Variants in TXNL1 observed in about 807,000 individuals in gnomAD.
TXNL1 encodes the protein thioredoxin-like protein 1.
A neutral mutation model predicts 35.5 loss-of-function variants in TXNL1; 14 were observed. The ratio of observed to expected loss-of-function variants is 0.39; its 90% CI spans 0.26 to 0.62. The LOEUF is 0.62. Ranked by LOEUF, TXNL1 falls within the 20% of genes least tolerant of loss-of-function variation. The pLI, the probability that TXNL1 is intolerant of heterozygous loss-of-function variation, is 0.47. For missense variants in TXNL1, 263 were observed against 349.7 expected (o/e 0.75, Z 1.98); for synonymous variants, 110 against 115.5 (o/e 0.95, Z 0.31).
At chr18:56,604,795 C>T (rs950413065) in intron 7 of TXNL1, among the ~76,000 whole-genome samples, 1 of 152,098 alleles carries the variant, frequency 6.6e-6, no homozygotes, top group Non-Finnish European at 1.5e-5. Context: ...AAAACCAACA[C>T]CCCTCAACTG....
intron 3 of TXNL1, among the ~76,000 whole-genome samples, chr18:56,619,783 A>G (rs2024151846): frequency 6.6e-6 from 1 of 151,976 alleles, no homozygotes; most frequent in Admixed American, 6.6e-5. Flanking sequence ...AATGCTTCCA[A>G]TGTTCCCTTA....
chr18:56,612,082 G>C (rs2024005960), intron 6 of TXNL1, among the ~76,000 whole-genome samples: 1 of 146,128 alleles, frequency 6.8e-6, no homozygotes. Flanking sequence ...GCCCAGGGTG[G>C]TCTCGAACTT....
At chr18:56,614,937 A>T (rs894176714) in intron 5 of TXNL1, among the ~76,000 whole-genome samples, 1 of 152,312 alleles carries the variant, frequency 6.6e-6, no homozygotes, top group East Asian at 1.9e-4. Flanking sequence ...AGGTACAAGG[A>T]AGGTGACAAT....
At chr18:56,622,986 C>T (rs533655322) in intron 3 of TXNL1, among the ~76,000 whole-genome samples, 4 of 152,092 alleles carry the variant, frequency 2.6e-5, no homozygotes, top group Non-Finnish European at 4.4e-5. Context: ...TTACAATCTC[C>T]TACTACACAC....
intron 2 of TXNL1, chr18:56,626,085 A>T (rs2024273460): frequency 1.3e-6 from 1 of 748,740 alleles, no homozygotes; most frequent in South Asian, 5.5e-5. Context: ...ACATAAGGAA[A>T]TGTAATACAC....
chr18:56,625,342 GT>G (rs2024258533), intron 2 of TXNL1, among the ~76,000 whole-genome samples: 1 of 151,910 alleles, frequency 6.6e-6, no homozygotes, highest in South Asian at 2.1e-4. Flanking sequence ...GTAAAATCAA[GT>G]TTAATATTAC....
intron 6 of TXNL1, among the ~76,000 whole-genome samples, chr18:56,613,844 A>G (rs1167456617): frequency 1.3e-5 from 2 of 152,048 alleles, no homozygotes; most frequent in African/African-American, 4.8e-5. Flanking sequence ...ACCTTAGGTC[A>G]TCTTATAAAA....
chr18:56,626,551 T>C, intron 1 of TXNL1, 94 bp from the exon 2 acceptor site: 1 of 1,083,632 alleles, frequency 9.2e-7, no homozygotes, highest in Middle Eastern at 2.2e-4. Context: ...ACACTGATAC[T>C]GCTGGCTTTT....
At chr18:56,618,688 T>C (rs1460574000) in intron 3 of TXNL1, among the ~76,000 whole-genome samples, 3 of 151,350 alleles carry the variant, frequency 2.0e-5, no homozygotes, top group African/African-American at 7.3e-5. Flanking sequence ...CCTGATTAGT[T>C]TGAAAAAAAA....
intron 1 of TXNL1, among the ~76,000 whole-genome samples, chr18:56,636,869 C>T (rs1181276582): frequency 1.3e-5 from 2 of 152,102 alleles, no homozygotes; most frequent in Non-Finnish European, 2.9e-5. Flanking sequence ...TATTGAAATC[C>T]TATCTTCCCT....
intron 1 of TXNL1, among the ~76,000 whole-genome samples, chr18:56,627,397 C>A (rs1304288988): frequency 2.6e-5 from 4 of 152,116 alleles, no homozygotes; most frequent in East Asian, 3.9e-4. Context: ...AACAAATTTC[C>A]ATTCTAAAAA....
chr18:56,599,408 T>C lies in TXNL1; in HGVS notation c.*3619A>G, dbSNP rs2023782540. 1 of 152,182 alleles carries C rather than the reference T, an allele frequency of 6.6e-6. No individual in the cohort carries two copies. Among genetic ancestry groups the C allele is most frequent in the South Asian group, 2.1e-4 (1 of 4,832 alleles). 9.4% of individuals were successfully genotyped at this position (152,182 alleles called of 1,614,324 possible). ...GAATAGTCAATATTTTAAAATTTATTTACTATATGCATGTTATATATACTT... is the reference window on the plus strand; with the variant it reads ...GAATAGTCAATATTTTAAAATTTATCTACTATATGCATGTTATATATACTT... On this transcript the variant is annotated 3_prime_UTR_variant, in exon 8 of 8. Coordinates refer to ENST00000217515, the MANE Select transcript of TXNL1 (RefSeq NM_004786.3).
chr18:56,614,302 A>T, intron 6 of TXNL1, 122 bp downstream of exon 6: 1 of 783,266 alleles, frequency 1.3e-6, no homozygotes, highest in Non-Finnish European at 1.9e-6. Flanking sequence ...TAAACATTTT[A>T]CTCATTTCAA....
At position 56,634,543 on chromosome 18, in the gene TXNL1, G is replaced by A. The variant is rs139512440; in HGVS notation, c.98+3800C>T. On this transcript the variant is annotated intron_variant, in intron 1 of 7. Transcript: ENST00000217515. The stretch of plus-strand genomic sequence containing the variant: ...CCTTAAAAAATACTCTGGGAAAAGG[G>A]TGCTGATCATTCAATGAGGAAAAGA... 5.1e-3 allele frequency among the ~76,000 whole-genome samples: 774 copies of A among 152,244 alleles called. 6 individuals carry two copies. The highest frequency in any genetic ancestry group is 0.017 in the Middle Eastern group (5 of 294).
In TXNL1 at chr18:56,601,419, G is replaced by A. The variant is rs1278851600; in HGVS notation, c.*1608C>T. The A allele has an allele frequency of 1.3e-5, 2 of 152,114 alleles. No homozygotes were observed. The highest frequency in any genetic ancestry group is 2.4e-5 in the African/African-American group (1 of 41,434). 9.4% of individuals were successfully genotyped at this position (152,114 alleles called of 1,614,324 possible). A position where few individuals can be genotyped will look rare whatever the true frequency, so the allele number is the denominator to read the frequency against. ...AATAGGAAAAGGTCAGCAATACTTA[G>A]GATGAGGCACTTTAACAATTACTCA... On this transcript the variant is annotated 3_prime_UTR_variant, in exon 8 of 8. Coordinates refer to ENST00000217515, the MANE Select transcript of TXNL1 (RefSeq NM_004786.3).
chr18:56,625,867 A>T (rs2024269084), intron 2 of TXNL1, among the ~76,000 whole-genome samples: 1 of 152,148 alleles, frequency 6.6e-6, no homozygotes, highest in Non-Finnish European at 1.5e-5. Context: ...GAACTGCCAC[A>T]TACCATTCCA....
intron 1 of TXNL1, among the ~76,000 whole-genome samples, chr18:56,630,280 G>A (rs769306014): frequency 2.4e-4 from 37 of 151,746 alleles, no homozygotes; most frequent in Non-Finnish European, 4.7e-4. Flanking sequence ...AGCTGGAAGC[G>A]ACCTTGGGGA....
chr18:56,607,405 C>G (rs901955360), intron 7 of TXNL1, among the ~76,000 whole-genome samples: 3 of 151,732 alleles, frequency 2.0e-5, no homozygotes, highest in African/African-American at 7.3e-5. Context: ...GATCTTCTAG[C>G]CTTGGCCTCC....
At chr18:56,610,262 C>T (rs2023968509) in intron 7 of TXNL1, 1 of 152,276 alleles carries the variant, frequency 6.6e-6, no homozygotes, top group African/African-American at 2.4e-5. Flanking sequence ...TGATAAAGCT[C>T]TCAGTAGCAC....
Sources: gnomAD v4.1 joint callset for allele counts (sites outside exome capture counted in the v4.1 genomes callset) on GRCh38, gnomAD v4.1.1 for gene constraint, MANE v1.5 for transcripts, NCBI Gene and HGNC (gene_info 2026-07-23, HGNC 2026-07-21) for gene names.